Variants in MYO1H observed in about 807,000 individuals in gnomAD.
The protein encoded by MYO1H is myosin IH.
Under a neutral mutation model 149.3 loss-of-function variants are expected in MYO1H, and 118 were observed. That is an observed-to-expected ratio of 0.79 (90% CI 0.68 to 0.92). The LOEUF (loss-of-function observed/expected upper bound fraction) is 0.92, where lower values mean the gene tolerates loss of function less well. Ranked by LOEUF, MYO1H falls within the 40% of genes least tolerant of loss-of-function variation. The pLI is 0.00. For missense variants in MYO1H, 1,212 were observed against 1,280.7 expected, an observed-to-expected ratio of 0.95 and a Z score of 0.82; for synonymous variants, 447 against 465.2, an observed-to-expected ratio of 0.96 and a Z score of 0.50.
the MYO1H span, among the ~76,000 whole-genome samples, chr12:109,325,657 A>C: frequency 6.6e-6 from 1 of 152,252 alleles, no homozygotes; most frequent in African/African-American, 2.4e-5. Context: ...ACAGAATGGG[A>C]GAAAAATTTT....
intron 10 of MYO1H, among the ~76,000 whole-genome samples, chr12:109,409,246 C>CTTTTTTTTTTTTTTTTTTTTTTTTTT (rs66507410): frequency 1.5e-4 from 7 of 47,842 alleles, no homozygotes; most frequent in South Asian, 9.4e-4. Context: ...TCTTCTTCTT[C>CTTTTTTTTTTTTTTTTTTTTTTTTTT]TTTTTTTTTT....
At chr12:109,389,218 A>G (rs548530991) in intron 2 of MYO1H, among the ~76,000 whole-genome samples, 1 of 152,262 alleles carries the variant, frequency 6.6e-6, no homozygotes, top group South Asian at 2.1e-4. Context: ...CCAGGCTGTC[A>G]TTTTATCAGC....
the MYO1H span, among the ~76,000 whole-genome samples, chr12:109,335,513 C>T: frequency 2.4e-3 from 366 of 152,100 alleles, 1 homozygote; most frequent in African/African-American, 8.2e-3. Flanking sequence ...CCCTATCCCC[C>T]GTCAATCATA....
intron 5 of MYO1H, among the ~76,000 whole-genome samples, chr12:109,399,578 T>G (rs1592793643): frequency 1.8e-5 from 2 of 113,650 alleles, no homozygotes; most frequent in Non-Finnish European, 3.4e-5. Context: ...AGCAAGAGAG[T>G]GAGACTCTGT....
the MYO1H span, among the ~76,000 whole-genome samples, chr12:109,312,562 A>G: frequency 6.6e-6 from 1 of 152,094 alleles, no homozygotes; most frequent in Non-Finnish European, 1.5e-5. Context: ...TTATCAGGTC[A>G]TGACCGTTTC....
chr12:109,396,270 A>C, intron 3 of MYO1H, 114 bp from the exon 4 acceptor site: 1 of 799,902 alleles, frequency 1.3e-6, no homozygotes, highest in Non-Finnish European at 2.0e-6. Flanking sequence ...CTTGTACCAC[A>C]GTCTGGATGT....
chr12:109,381,902 T>G (rs1479687799), intron 1 of MYO1H, among the ~76,000 whole-genome samples: 1 of 152,218 alleles, frequency 6.6e-6, no homozygotes, highest in Non-Finnish European at 1.5e-5. Context: ...TATTAAAAAC[T>G]CATTGTCACC....
At chr12:109,426,653 C>T (rs866377353) in intron 18 of MYO1H, among the ~76,000 whole-genome samples, 6 of 152,152 alleles carry the variant, frequency 3.9e-5, no homozygotes, top group African/African-American at 9.7e-5. Flanking sequence ...AGGGAGTCAA[C>T]GTCACTCTTT....
At chr12:109,348,572 A>G (rs777666058) in intron 1 of MYO1H, among the ~76,000 whole-genome samples, 1 of 152,156 alleles carries the variant, frequency 6.6e-6, no homozygotes, top group Non-Finnish European at 1.5e-5. Context: ...GTCCCAGGTA[A>G]TGATCATTTT....
At chr12:109,353,393 CAAAAAAAA>C (rs55927192) in intron 1 of MYO1H, among the ~76,000 whole-genome samples, 8 of 79,296 alleles carry the variant, frequency 1.0e-4, no homozygotes, top group Admixed American at 3.0e-4. Context: ...GACTCCGTCT[CAAAAAAAA>C]AAAAAAAAAA....
intron 20 of MYO1H, among the ~76,000 whole-genome samples, chr12:109,433,679 A>T (rs540118005): frequency 6.6e-6 from 1 of 152,142 alleles, no homozygotes; most frequent in South Asian, 2.1e-4. Context: ...CCACTTGTAC[A>T]TGGTCGTCTG....
chr12:109,337,813 A>G, the MYO1H span, among the ~76,000 whole-genome samples: 4 of 152,190 alleles, frequency 2.6e-5, no homozygotes, highest in African/African-American at 9.7e-5. Flanking sequence ...TTGTGATCAC[A>G]GAAGTTTTAA....
upstream of MYO1H, among the ~76,000 whole-genome samples, chr12:109,345,653 A>G (rs954388825): frequency 6.6e-6 from 1 of 152,236 alleles, no homozygotes; most frequent in Non-Finnish European, 1.5e-5. Context: ...AAAAATTTGC[A>G]CCTGAATGTT....
At chr12:109,423,630 T>C (rs1871257573) in intron 16 of MYO1H, among the ~76,000 whole-genome samples, 1 of 152,254 alleles carries the variant, frequency 6.6e-6, no homozygotes, top group Non-Finnish European at 1.5e-5. Context: ...CTGTCTACTT[T>C]CTACCTCTAT....
the MYO1H span, among the ~76,000 whole-genome samples, chr12:109,328,566 C>G: frequency 6.6e-6 from 1 of 152,192 alleles, no homozygotes; most frequent in African/African-American, 2.4e-5. Context: ...CAGAGCTAGG[C>G]TGTGATAATG....
intron 1 of MYO1H, among the ~76,000 whole-genome samples, chr12:109,360,495 G>T (rs1404105368): frequency 6.6e-6 from 1 of 152,136 alleles, no homozygotes; most frequent in East Asian, 1.9e-4. Flanking sequence ...ATTGAGGACT[G>T]AAGACAAGAA....
intron 1 of MYO1H, among the ~76,000 whole-genome samples, chr12:109,384,514 T>G (rs1380068613): frequency 6.6e-6 from 1 of 152,200 alleles, no homozygotes; most frequent in Non-Finnish European, 1.5e-5. Context: ...TGTCCCAATA[T>G]TCATCCCTTT....
At chr12:109,336,511 T>C in the MYO1H span, among the ~76,000 whole-genome samples, 1 of 152,236 alleles carries the variant, frequency 6.6e-6, no homozygotes, top group Non-Finnish European at 1.5e-5. Context: ...CTCAGCTCTG[T>C]TTTTCCCTTG....
intron 21 of MYO1H, among the ~76,000 whole-genome samples, chr12:109,436,092 T>C (rs1163372141): frequency 6.6e-6 from 1 of 152,154 alleles, no homozygotes; most frequent in African/African-American, 2.4e-5. Context: ...TGCTCCTCCT[T>C]AGCTGTGTTG....
Sources: gnomAD v4.1 joint callset for allele counts (sites outside exome capture counted in the v4.1 genomes callset) on GRCh38, gnomAD v4.1.1 for gene constraint, MANE v1.5 for transcripts, NCBI Gene and HGNC (gene_info 2026-07-23, HGNC 2026-07-21) for gene names.